The following ANKMY1 variants were observed in gnomAD, a reference collection of about 807,000 sequenced individuals.
ANKMY1 encodes the protein ankyrin repeat and MYND domain containing 1, also known as ankyrin repeat and MYND domain-containing protein 1.
In ANKMY1, 98 loss-of-function variants were observed where a neutral mutation model predicts 102.0. That is an observed-to-expected ratio of 0.96 (90% confidence interval 0.82 to 1.14). The LOEUF (loss-of-function observed/expected upper bound fraction) is 1.14. Among genes scored for constraint, ANKMY1 ranks in the 50% most tolerant of loss-of-function variants. ANKMY1 has a pLI of 0.00. For missense variants in ANKMY1, 1,330 were observed against 1,347.6 expected (o/e 0.99, Z 0.20); for synonymous variants, 582 against 559.9 (o/e 1.04, Z -0.56).
intron 4 of ANKMY1, among the ~76,000 whole-genome samples, chr2:240,548,307 TCAA>T (rs1368013605): frequency 2.6e-5 from 4 of 152,234 alleles, no homozygotes; most frequent in Admixed American, 6.5e-5. Flanking sequence ...TTGACAAAAT[TCAA>T]CAACACTTCA....
the ANKMY1 span, among the ~76,000 whole-genome samples, chr2:240,471,050 G>A: frequency 1.3e-5 from 2 of 152,016 alleles, no homozygotes; most frequent in Non-Finnish European, 2.9e-5. Flanking sequence ...GCAAAGAAAC[G>A]AAGTTCTCCC....
intron 15 of ANKMY1, among the ~76,000 whole-genome samples, chr2:240,489,129 A>G (rs955789914): frequency 6.6e-6 from 1 of 152,122 alleles, no homozygotes; most frequent in African/African-American, 2.4e-5. Context: ...TTATTATTTT[A>G]AAGTATATTC....
Position 240,520,222 on chromosome 2 carries a change from G to T in ANKMY1, c.2004+140C>A. 1 of 1,281,968 alleles carries T rather than the reference G, an allele frequency of 7.8e-7. No homozygotes were observed. The highest frequency in any genetic ancestry group is 1.1e-6 in the Non-Finnish European group (1 of 905,404). 79.4% of individuals were successfully genotyped at this position (1,281,968 alleles called of 1,614,324 possible). On this transcript the variant is annotated intron_variant, in intron 9 of 17. Coordinates refer to ENST00000401804, the MANE Select transcript of ANKMY1 (RefSeq NM_001282771.3). The surrounding 1 kb of genome is among the most constrained non-coding windows in gnomAD (Gnocchi z 4.8). ...GCTGTGGGACCCCCCACTGCGGCGC[G>T]CCGTCATCACTCACAGCCCAGGTGG...
intron 4 of ANKMY1, among the ~76,000 whole-genome samples, chr2:240,530,297 C>G (rs1400623798): frequency 6.6e-6 from 1 of 152,204 alleles, no homozygotes; most frequent in Non-Finnish European, 1.5e-5. Context: ...CACCCAAATC[C>G]CATGTCAAAT....
At chr2:240,500,369 C>T in intron 14 of ANKMY1, 83 bp downstream of exon 14, 1 of 1,417,606 alleles carries the variant, frequency 7.1e-7, no homozygotes, top group South Asian at 1.3e-5. Flanking sequence ...CCAGCTTTGC[C>T]CCAGAGAAGC....
chr2:240,552,598 TC>T (rs2091711322), intron 4 of ANKMY1: 10 of 357,256 alleles, frequency 2.8e-5, no homozygotes, highest in South Asian at 2.5e-4. Flanking sequence ...CTAGGCATGT[TC>T]TCCATTTAAA....
chr2:240,487,775 C>A (rs984378509), intron 15 of ANKMY1, among the ~76,000 whole-genome samples: 2 of 151,922 alleles, frequency 1.3e-5, no homozygotes, highest in Non-Finnish European at 2.9e-5. Flanking sequence ...GCTGTTTGTA[C>A]GTCTTCTTTT....
intron 5 of ANKMY1, chr2:240,527,135 G>A: frequency 7.6e-6 from 3 of 394,244 alleles, no homozygotes; most frequent in Non-Finnish European, 6.9e-6. Flanking sequence ...TGGATGGGTG[G>A]GTGGATGAAT....
rs893355373 is a variant in ANKMY1 at position 240,525,759 on chromosome 2, T to C, written c.1261A>G (p.Met421Val). The C allele has an allele frequency of 1.9e-6, 3 of 1,614,114 alleles. No individual in the cohort carries two copies. Among genetic ancestry groups the C allele is most frequent in the Non-Finnish European group, 2.5e-6 (3 of 1,180,004 alleles). Residue 421 changes from methionine to valine, a missense_variant, in exon 7 of 18, where the codon ATG becomes GTG. Transcript: ENST00000401804. ...CSDEGLTALSMCFLLHYPAQS... is the reference protein window; with the variant it reads ...CSDEGLTALSVCFLLHYPAQS... Reference sequence around the variant, plus strand: ...GCGGGGTAGTGGAGGAGGAAACACATGCTGAGTGCCGTGAGACCCTCATCT... The same window carrying C: ...GCGGGGTAGTGGAGGAGGAAACACACGCTGAGTGCCGTGAGACCCTCATCT...
intron 15 of ANKMY1, among the ~76,000 whole-genome samples, chr2:240,487,782 T>C (rs1354385047): frequency 6.6e-6 from 1 of 152,180 alleles, no homozygotes; most frequent in Non-Finnish European, 1.5e-5. Flanking sequence ...GTACGTCTTC[T>C]TTTGAGAAAT....
intron 9 of ANKMY1, chr2:240,519,676 T>G: frequency 6.3e-6 from 1 of 157,906 alleles, no homozygotes; most frequent in Non-Finnish European, 1.4e-5. Context: ...GGGGGACAGG[T>G]GGGAAAAGGA....
chr2:240,543,158 G>A (rs1014286916), intron 4 of ANKMY1, among the ~76,000 whole-genome samples: 1 of 151,768 alleles, frequency 6.6e-6, no homozygotes, highest in Admixed American at 6.6e-5. Context: ...GACCATCCTG[G>A]CTAACACGGT....
chr2:240,559,330 A>C (rs149696423), upstream of ANKMY1, among the ~76,000 whole-genome samples: 826 of 152,284 alleles, frequency 5.4e-3, 4 homozygotes, highest in South Asian at 0.026. Context: ...TGTTTGATTC[A>C]TTTCAGTGGC....
At chr2:240,516,762 G>A (rs976051601) in intron 9 of ANKMY1, among the ~76,000 whole-genome samples, 2 of 152,186 alleles carry the variant, frequency 1.3e-5, no homozygotes, top group African/African-American at 4.8e-5. Context: ...TTGTGCCATT[G>A]GATTAGAGAG....
intron 5 of ANKMY1, chr2:240,526,985 T>C (rs2083593545): frequency 2.0e-6 from 2 of 1,006,516 alleles, no homozygotes; most frequent in African/African-American, 3.5e-5. Flanking sequence ...TACCTAACAG[T>C]CTTCAACAAT....
At position 240,499,071 on chromosome 2, in the gene ANKMY1, G is replaced by A. The variant is rs113389832; in HGVS notation, c.2806+887C>T. Among the ~76,000 whole-genome samples, 21 of 152,302 alleles carry A rather than the reference G, an allele frequency of 1.4e-4. No homozygotes were observed. The highest frequency in any genetic ancestry group is 4.8e-4 in the African/African-American group (20 of 41,540). On this transcript the variant is annotated intron_variant, in intron 15 of 17. Coordinates refer to ENST00000401804, the MANE Select transcript of ANKMY1 (RefSeq NM_001282771.3). This position sits in a 1 kb window ranked among gnomAD's most constrained non-coding sequence, Gnocchi z 4.2. ...GACTAACAGCACGTGGAAGTGTGTG[G>A]GGCGGAGCACTGTGTGCTGGGAAGG...
intron 15 of ANKMY1, among the ~76,000 whole-genome samples, chr2:240,484,195 T>A (rs1226372346): frequency 6.6e-6 from 1 of 152,208 alleles, no homozygotes; most frequent in East Asian, 1.9e-4. Flanking sequence ...TTTGAGTAGA[T>A]ACCCAGTAAT....
Position 240,507,609 on chromosome 2 carries a change from C to T in ANKMY1, c.2477G>A (p.Cys826Tyr). The T allele has an allele frequency of 6.2e-7, 1 of 1,611,760 alleles. No homozygotes were observed. The highest frequency in any genetic ancestry group is 8.5e-7 in the Non-Finnish European group (1 of 1,178,896). Residue 826 changes from cysteine (C) to tyrosine (Y), a missense_variant, in exon 13 of 18, where the codon TGT becomes TAT. Physicochemically the swap from Cys to Tyr is radical, Grantham distance 194 (BLOSUM62 -2). Coordinates refer to ENST00000401804, the MANE Select transcript of ANKMY1 (RefSeq NM_001282771.3). ...CCTCTGGTGCTCGTAGGTCAGGTCA[C>T]AGGCAACACACAGGGCACTGCCCAA... is the stretch of plus-strand genomic sequence containing the variant. ...KGLGSALCVA[C>Y]DLTYEHQRNM...
chr2:240,502,228 G>A (rs1024806481), intron 13 of ANKMY1, among the ~76,000 whole-genome samples: 2 of 137,702 alleles, frequency 1.5e-5, no homozygotes, highest in African/African-American at 5.5e-5. Flanking sequence ...TCCTGGCACC[G>A]GGACGGCTTC....
Sources: allele counts gnomAD v4.1 joint callset (sites outside exome capture counted in the v4.1 genomes callset), GRCh38; gene constraint gnomAD v4.1.1; non-coding constraint Gnocchi (gnomAD v3.1); transcripts MANE v1.5; gene names NCBI Gene and HGNC (gene_info 2026-07-23, HGNC 2026-07-21).